Variants in NF1 observed in about 807,000 individuals in gnomAD.
NF1 encodes the protein neurofibromin 1, also known as neurofibromin.
NF1 carries 122 observed loss-of-function variants against 325.7 expected under a neutral mutation model. The ratio of observed to expected loss-of-function variants is 0.37; its 90% confidence interval spans 0.32 to 0.44. The LOEUF is 0.44. Among genes scored for constraint, NF1 ranks in the 20% least tolerant of loss-of-function variants. NF1 has a pLI of 1.00. For synonymous variants in NF1, 1,091 were observed against 1,186.0 expected (o/e 0.92, Z 1.65); for missense variants, 2,140 against 3,415.4 (o/e 0.63, Z 9.31).
intron 1 of NF1, among the ~76,000 whole-genome samples, chr17:31,127,969 G>T (rs1250483725): frequency 2.0e-5 from 3 of 151,628 alleles, no homozygotes; most frequent in Admixed American, 6.6e-5. Context: ...CTTCTGTTTT[G>T]TTTTGTTTGG....
At chr17:31,253,925 G>A (rs1400420726) in intron 31 of NF1, 1 of 151,984 alleles carries the variant, frequency 6.6e-6, no homozygotes, top group Admixed American at 6.6e-5. Context: ...AGAATACAGT[G>A]TTCATCTGGT....
chr17:31,359,172 T>G (rs928770107), intron 56 of NF1, 157 bp downstream of exon 56: 4 of 656,212 alleles, frequency 6.1e-6, no homozygotes, highest in Non-Finnish European at 1.0e-5. Flanking sequence ...ATCACAAGGT[T>G]TTTTTCCAGG....
chr17:31,313,148 A>G (rs552393399), intron 36 of NF1, among the ~76,000 whole-genome samples: 1 of 152,294 alleles, frequency 6.6e-6, no homozygotes, highest in East Asian at 1.9e-4. Flanking sequence ...ATAGTCAAAT[A>G]CCACATCTGA....
At chr17:31,099,365 T>G (rs1912088560) in intron 1 of NF1, among the ~76,000 whole-genome samples, 1 of 152,152 alleles carries the variant, frequency 6.6e-6, no homozygotes, top group African/African-American at 2.4e-5. Context: ...AAACCTAGTA[T>G]TTAGGGTCTA....
At chr17:31,265,138 T>G in intron 35 of NF1, 91 bp from the exon 36 acceptor site, 1 of 917,010 alleles carries the variant, frequency 1.1e-6, no homozygotes, top group Non-Finnish European at 1.7e-6. Context: ...TTTTTCATTT[T>G]AGTATTTTAT....
chr17:31,305,353 T>G, intron 36 of NF1: 2 of 1,614,144 alleles, frequency 1.2e-6, no homozygotes, highest in Non-Finnish European at 1.7e-6. Context: ...AGAAGAGGTA[T>G]AGACAGCTGG....
intron 1 of NF1, among the ~76,000 whole-genome samples, chr17:31,127,199 A>G (rs1391058450): frequency 6.6e-6 from 1 of 152,090 alleles, no homozygotes; most frequent in African/African-American, 2.4e-5. Context: ...GTTGCTTTAT[A>G]ATAATTCTTA....
chr17:31,358,458 G>A (rs1448031624), intron 54 of NF1, 22 bp from the exon 55 acceptor site: 1 of 1,610,850 alleles, frequency 6.2e-7, no homozygotes, highest in Admixed American at 1.7e-5. Flanking sequence ...ATGTTCCTCT[G>A]TTGACTTTTT....
intron 36 of NF1, among the ~76,000 whole-genome samples, chr17:31,293,909 G>A (rs1465778051): frequency 1.3e-5 from 2 of 152,180 alleles, no homozygotes; most frequent in Non-Finnish European, 2.9e-5. Context: ...ATTTCTCAGT[G>A]ATTTTCTTCT....
chr17:31,240,954 T>C (rs2067285645), intron 29 of NF1, among the ~76,000 whole-genome samples: 2 of 152,142 alleles, frequency 1.3e-5, no homozygotes, highest in South Asian at 2.1e-4. Flanking sequence ...CTTGGCTCAC[T>C]GCAACCTCTG....
At chr17:31,117,563 C>T (rs1211427460) in intron 1 of NF1, among the ~76,000 whole-genome samples, 1 of 147,838 alleles carries the variant, frequency 6.8e-6, no homozygotes, top group East Asian at 2.0e-4. Context: ...GTCCTAGCTA[C>T]TCGGGAGGCT....
At chr17:31,152,890 TA>T (rs763965591) in intron 1 of NF1, among the ~76,000 whole-genome samples, 6 of 152,150 alleles carry the variant, frequency 3.9e-5, no homozygotes, top group Non-Finnish European at 5.9e-5. Context: ...TATTTGACCA[TA>T]GAACTTTTCT....
At chr17:31,263,427 T>G (rs1247307546) in intron 35 of NF1, among the ~76,000 whole-genome samples, 2 of 150,962 alleles carry the variant, frequency 1.3e-5, no homozygotes, top group Admixed American at 6.6e-5. Context: ...ACCTTGTCTA[T>G]AAATAAAGAA....
At chr17:31,307,982 A>G (rs1173090867) in intron 36 of NF1, 5 of 1,215,308 alleles carry the variant, frequency 4.1e-6, no homozygotes, top group Non-Finnish European at 5.4e-6. Flanking sequence ...AAGAAAAGAT[A>G]TGTGATTTTT....
intron 37 of NF1, 69 bp from the exon 38 acceptor site, chr17:31,327,430 A>T: frequency 8.0e-7 from 1 of 1,243,020 alleles, no homozygotes; most frequent in Non-Finnish European, 1.1e-6. Context: ...TGGTTTCTGG[A>T]GCCTTTTAGA....
chr17:31,164,629 T>A lies in NF1; in HGVS notation c.479+1253T>A, dbSNP rs546412420. Among the ~76,000 whole-genome samples, 24 of 152,324 alleles carry A rather than the reference T, an allele frequency of 1.6e-4. No homozygotes were observed. The South Asian group carries it at 5.0e-3, about 32-fold the overall frequency. On this transcript the variant is annotated intron_variant, in intron 4 of 57. Transcript: ENST00000358273. ...TCAGATTTACTGATTCCTTTGTTGT[T>A]TTCCAGCAGGTGTGAAAGACAACAT...
chr17:31,142,588 C>T (rs1916296803), intron 1 of NF1, among the ~76,000 whole-genome samples: 1 of 152,142 alleles, frequency 6.6e-6, no homozygotes, highest in African/African-American at 2.4e-5. Context: ...GGAAATGAGG[C>T]CGGGCACTGT....
rs1567620376 is a variant in NF1 at position 31,343,011 on chromosome 17, T to G, written c.7065T>G (p.Ser2355Arg). 6.2e-7 allele frequency: 1 copy of G among 1,613,956 alleles called. No individual in the cohort carries two copies. Among genetic ancestry groups the G allele is most frequent in the Non-Finnish European group, 8.5e-7 (1 of 1,179,980 alleles). Residue 2355 changes from serine (S) to arginine (R), a missense_variant and splice_region_variant, in exon 48 of 58, where the codon AGT becomes AGG. By Grantham distance (110) the Ser-to-Arg change is moderately radical. Transcript: ENST00000358273. ...LDSLRIFNDK[S>R]PEEVFMAIRN... The stretch of plus-strand genomic sequence containing the variant: ...CATCTCATGATTATCTTTAATAGAG[T>G]CCAGAGGAAGTATTTATGGCAATCC...
In NF1 at chr17:31,181,156, G is replaced by A. The variant is rs542029349; in HGVS notation, c.587-266G>A. Among the ~76,000 whole-genome samples, 66 of 152,222 alleles carry A rather than the reference G, an allele frequency of 4.3e-4. 1 individual carries two copies. In the South Asian group the frequency reaches 0.013, roughly 30 times the overall value. On this transcript the variant is annotated intron_variant, in intron 5 of 57. Transcript: ENST00000358273. Reference sequence around the variant, plus strand: ...TAGGAGGAACCAATATCCTGTATGTGTTTTATACTTTTTTTTGAAAAAGCA... The same window carrying A: ...TAGGAGGAACCAATATCCTGTATGTATTTTATACTTTTTTTTGAAAAAGCA...
Sources: gnomAD v4.1 joint callset for allele counts (sites outside exome capture counted in the v4.1 genomes callset) on GRCh38, gnomAD v4.1.1 for gene constraint, MANE v1.5 for transcripts, NCBI Gene and HGNC (gene_info 2026-07-23, HGNC 2026-07-21) for gene names.